The following NDUFS6 variants were observed in gnomAD, a reference collection of about 807,000 sequenced individuals.
NDUFS6 encodes NADH:ubiquinone oxidoreductase subunit S6.
Under a neutral mutation model 13.2 loss-of-function variants are expected in NDUFS6, and 14 were observed. The ratio of observed to expected loss-of-function variants is 1.06; its 90% CI spans 0.70 to 1.66. The LOEUF (loss-of-function observed/expected upper bound fraction) is 1.66. Among genes scored for constraint, NDUFS6 ranks in the 40% most tolerant of loss-of-function variants. NDUFS6 has a pLI of 0.00. For missense variants in NDUFS6, 206 were observed against 170.8 expected (o/e 1.21, Z -1.15); for synonymous variants, 95 against 72.3 (o/e 1.31, Z -1.60).
At chr5:1,809,901 C>CAT in intron 2 of NDUFS6, among the ~76,000 whole-genome samples, 1 of 152,274 alleles carries the variant, frequency 6.6e-6, no homozygotes, top group African/African-American at 2.4e-5. Context: ...CGGCGCCACA[C>CAT]GGCTCAGGCC....
chr5:1,807,781 C>T (rs1465598464), intron 2 of NDUFS6, among the ~76,000 whole-genome samples: 3 of 152,240 alleles, frequency 2.0e-5, no homozygotes, highest in African/African-American at 4.8e-5. Context: ...TGTTGGCTCT[C>T]GTGCGTGCAC....
intron 2 of NDUFS6, among the ~76,000 whole-genome samples, chr5:1,810,984 TTCC>T (rs1326677163): frequency 6.6e-6 from 1 of 152,158 alleles, no homozygotes. Flanking sequence ...CAACCCTCCC[TTCC>T]TCCTCCTCAG....
intron 2 of NDUFS6, among the ~76,000 whole-genome samples, chr5:1,806,718 A>T (rs974678792): frequency 6.6e-6 from 1 of 152,164 alleles, no homozygotes; most frequent in African/African-American, 2.4e-5. Context: ...GGGAATGTAA[A>T]ATGGCACAGC....
chr5:1,803,999 G>A (rs1035383170), intron 2 of NDUFS6, among the ~76,000 whole-genome samples: 6 of 152,210 alleles, frequency 3.9e-5, no homozygotes, highest in Admixed American at 6.5e-5. Context: ...GGGAGAAACC[G>A]ATGGATGTGG....
intron 2 of NDUFS6, among the ~76,000 whole-genome samples, chr5:1,811,220 A>G (rs1314183358): frequency 6.6e-6 from 1 of 152,224 alleles, no homozygotes; most frequent in Non-Finnish European, 1.5e-5. Context: ...GCATCAGGCT[A>G]TGAGTAAATT....
At chr5:1,812,272 C>T (rs1734229548) in intron 2 of NDUFS6, among the ~76,000 whole-genome samples, 1 of 152,060 alleles carries the variant, frequency 6.6e-6, no homozygotes, top group Non-Finnish European at 1.5e-5. Flanking sequence ...GCAGAACCCT[C>T]ATGACCTCAG....
chr5:1,814,130 G>T lies in NDUFS6; in HGVS notation c.187-209G>T, dbSNP rs1301375770. ...GCTCTGTGCTGCTGGGATTCTTGCAGTGCCTCTCCGCGTTTGGAACTTTAT... is the reference window on the plus strand; with the variant it reads ...GCTCTGTGCTGCTGGGATTCTTGCATTGCCTCTCCGCGTTTGGAACTTTAT... On this transcript the variant is annotated intron_variant, in intron 2 of 3. Coordinates refer to ENST00000274137, the MANE Select transcript of NDUFS6 (RefSeq NM_004553.6). This position sits in a 1 kb window ranked among gnomAD's most constrained non-coding sequence, Gnocchi z 4.9. Among the ~76,000 whole-genome samples, 1 of 152,264 alleles carries T rather than the reference G, an allele frequency of 6.6e-6. No homozygotes were observed. Among genetic ancestry groups the T allele is most frequent in the Non-Finnish European group, 1.5e-5 (1 of 68,050 alleles).
intron 2 of NDUFS6, among the ~76,000 whole-genome samples, chr5:1,805,788 T>C (rs1734113175): frequency 6.6e-6 from 1 of 152,202 alleles, no homozygotes; most frequent in African/African-American, 2.4e-5. Context: ...GTGGTAATAA[T>C]AACAGCAATA....
intron 2 of NDUFS6, among the ~76,000 whole-genome samples, chr5:1,805,290 A>G (rs866519726): frequency 3.9e-5 from 6 of 152,192 alleles, no homozygotes; most frequent in Non-Finnish European, 8.8e-5. Flanking sequence ...AGATCATGCC[A>G]TTGTACTCCA....
intron 2 of NDUFS6, among the ~76,000 whole-genome samples, chr5:1,804,800 C>A (rs1734098615): frequency 1.3e-5 from 2 of 152,230 alleles, no homozygotes; most frequent in Admixed American, 1.3e-4. Context: ...GCCTGTGTCA[C>A]AGTTGATGAG....
chr5:1,805,051 C>T (rs1242565050), intron 2 of NDUFS6, among the ~76,000 whole-genome samples: 1 of 152,226 alleles, frequency 6.6e-6, no homozygotes, highest in African/African-American at 2.4e-5. Context: ...TAAACTGGGC[C>T]AGGCACAGTA....
Position 1,801,507 on chromosome 5 carries a change from G to A in NDUFS6, c.90G>A (p.Val30=), listed in dbSNP as rs774948841. Residue 30 remains valine (V), a synonymous_variant, in exon 1 of 4, where the codon GTG becomes GTA. Transcript: ENST00000274137. The stretch of plus-strand genomic sequence containing the variant: ...CCCTGGGCGCCAGGTGTTTCGGGGT[G>A]CGGGTCTCGCCGACCGGGGAGAAGG... The part of the protein sequence containing the change: ...SLPLGARCFG[V]RVSPTGEKVT... 2 of 1,600,108 alleles carry A rather than the reference G, an allele frequency of 1.2e-6. No homozygotes were observed. The highest frequency in any genetic ancestry group is 1.7e-6 in the Non-Finnish European group (2 of 1,178,438).
At chr5:1,801,803 C>T (rs1007893144) in intron 1 of NDUFS6, among the ~76,000 whole-genome samples, 28 of 152,242 alleles carry the variant, frequency 1.8e-4, no homozygotes, top group African/African-American at 6.5e-4. Context: ...GCAGCACTTG[C>T]TGTGGACTGG....
In NDUFS6 at chr5:1,814,601, A is replaced by G. The variant is rs1734278034; in HGVS notation, c.309+140A>G. On this transcript the variant is annotated intron_variant, in intron 3 of 3. Transcript: ENST00000274137. The surrounding 1 kb of genome is among the most constrained non-coding windows in gnomAD (Gnocchi z 4.9). ...CTTACGGGGTTCACACTGCTGGCAC[A>G]TTCACCCTACAGCGCCACACTACAG... 2 of 1,301,318 alleles carry G rather than the reference A, an allele frequency of 1.5e-6. No individual in the cohort carries two copies. Among genetic ancestry groups the G allele is most frequent in the South Asian group, 2.5e-5 (2 of 80,134 alleles). 80.6% of individuals were successfully genotyped at this position (1,301,318 alleles called of 1,614,324 possible).
At chr5:1,806,965 G>C (rs1283530992) in intron 2 of NDUFS6, among the ~76,000 whole-genome samples, 2 of 152,190 alleles carry the variant, frequency 1.3e-5, no homozygotes, top group African/African-American at 4.8e-5. Context: ...ATATTATTCA[G>C]CCTTAAGGAA....
At chr5:1,801,695 G>C in intron 1 of NDUFS6, 146 bp downstream of exon 1, 1 of 1,279,722 alleles carries the variant, frequency 7.8e-7, no homozygotes, top group East Asian at 2.7e-5. Flanking sequence ...ACGCGCCGGG[G>C]AGGACGCCCG....
intron 2 of NDUFS6, among the ~76,000 whole-genome samples, chr5:1,811,362 A>G (rs1734216496): frequency 6.6e-6 from 1 of 152,240 alleles, no homozygotes; most frequent in Non-Finnish European, 1.5e-5. Context: ...AAGTAAAAAA[A>G]AAACAAAATA....
At chr5:1,805,541 A>G (rs954549612) in intron 2 of NDUFS6, among the ~76,000 whole-genome samples, 1 of 152,160 alleles carries the variant, frequency 6.6e-6, no homozygotes, top group African/African-American at 2.4e-5. Flanking sequence ...CTCACGTGCT[A>G]AAGAATGTGC....
chr5:1,815,822 A>G, intron 3 of NDUFS6, 29 bp from the exon 4 acceptor site: 3 of 1,607,528 alleles, frequency 1.9e-6, no homozygotes, highest in Non-Finnish European at 2.6e-6. Context: ...ATATGGAAAT[A>G]TGACATCATT....
Sources: gnomAD v4.1 joint callset for allele counts (sites outside exome capture counted in the v4.1 genomes callset) on GRCh38, gnomAD v4.1.1 for gene constraint, Gnocchi (gnomAD v3.1) non-coding constraint, MANE v1.5 for transcripts, NCBI Gene and HGNC (gene_info 2026-07-23, HGNC 2026-07-21) for gene names.